The following ATP8A2 variants were observed in gnomAD, a reference collection of about 807,000 sequenced individuals.
ATP8A2 encodes ATPase phospholipid transporting 8A2.
ATP8A2 carries 100 observed loss-of-function variants against 165.6 expected under a neutral mutation model. That is an observed-to-expected ratio of 0.60 (90% CI 0.51 to 0.71). The LOEUF (loss-of-function observed/expected upper bound fraction) is 0.71. Ranked by LOEUF, ATP8A2 falls within the 30% of genes least tolerant of loss-of-function variation. The probability of loss-of-function intolerance (pLI) is 0.00; values close to 1 mark genes in which losing one functional copy is unlikely to be tolerated. For synonymous variants in ATP8A2, 543 were observed against 548.8 expected, an observed-to-expected ratio of 0.99 and a Z score of 0.15; for missense variants, 1,227 against 1,479.5, an observed-to-expected ratio of 0.83 and a Z score of 2.80.
chr13:25,837,520 C>T (rs1304883019), intron 29 of ATP8A2, among the ~76,000 whole-genome samples: 5 of 151,136 alleles, frequency 3.3e-5, no homozygotes, highest in African/African-American at 7.3e-5. Context: ...CGGGTCCATG[C>T]TGTGTGGGCT....
intron 35 of ATP8A2, among the ~76,000 whole-genome samples, chr13:25,987,685 T>A (rs756038040): frequency 9.9e-5 from 15 of 152,224 alleles, no homozygotes; most frequent in Non-Finnish European, 2.1e-4. Flanking sequence ...TCATGTTTCT[T>A]AACCCACAGC....
chr13:25,426,845 C>T (rs2034462997), intron 1 of ATP8A2, among the ~76,000 whole-genome samples: 1 of 152,062 alleles, frequency 6.6e-6, no homozygotes, highest in Non-Finnish European at 1.5e-5. Flanking sequence ...ACTCGGGAGG[C>T]TGAGAGAGGA....
At chr13:25,898,985 G>T (rs1034138251) in intron 33 of ATP8A2, among the ~76,000 whole-genome samples, 1 of 152,212 alleles carries the variant, frequency 6.6e-6, no homozygotes, top group African/African-American at 2.4e-5. Context: ...TCCCGGGTGA[G>T]GTTATGCCTT....
At chr13:25,399,688 C>G (rs1420572141) in intron 1 of ATP8A2, among the ~76,000 whole-genome samples, 1 of 151,466 alleles carries the variant, frequency 6.6e-6, no homozygotes, top group East Asian at 2.0e-4. Flanking sequence ...AGGCGTGAGC[C>G]ACCGCGCCCG....
intron 24 of ATP8A2, among the ~76,000 whole-genome samples, chr13:25,609,563 A>AAATATATATATATATATTTGGG (rs2040612195): frequency 2.9e-5 from 4 of 139,290 alleles, no homozygotes; most frequent in Admixed American, 7.1e-5. Context: ...ATATATTTGG[A>AAATATATATATATATATTTGGG]TTCAAATATA....
Position 25,755,747 on chromosome 13 carries a change from A to G in ATP8A2, c.2385-13299A>G, listed in dbSNP as rs370974235. ...TGGTGAAACCCCCTCTCTACTAAAAATACAAAAAAATTAGCTGGGCATGGT... is the reference window on the plus strand; with the variant it reads ...TGGTGAAACCCCCTCTCTACTAAAAGTACAAAAAAATTAGCTGGGCATGGT... On this transcript the variant is annotated intron_variant, in intron 25 of 36. Transcript: ENST00000381655. 1.5e-4 allele frequency among the ~76,000 whole-genome samples: 23 copies of G among 152,232 alleles called. 1 individual carries two copies. In the South Asian group the frequency reaches 3.5e-3, roughly 23 times the overall value.
intron 25 of ATP8A2, among the ~76,000 whole-genome samples, chr13:25,745,579 T>C (rs1216006060): frequency 1.3e-5 from 2 of 152,192 alleles, no homozygotes; most frequent in East Asian, 3.8e-4. Flanking sequence ...CTGGACTATG[T>C]ATCCACTCTA....
intron 27 of ATP8A2, among the ~76,000 whole-genome samples, chr13:25,814,832 G>A (rs759558042): frequency 6.6e-6 from 1 of 152,022 alleles, no homozygotes; most frequent in East Asian, 1.9e-4. Context: ...TCTGGGCAAC[G>A]TGGTGAAATC....
intron 21 of ATP8A2, among the ~76,000 whole-genome samples, chr13:25,579,445 T>C (rs2039707327): frequency 6.6e-6 from 1 of 152,156 alleles, no homozygotes; most frequent in African/African-American, 2.4e-5. Flanking sequence ...CCTGGATCTT[T>C]CATGGGATAG....
intron 25 of ATP8A2, among the ~76,000 whole-genome samples, chr13:25,756,642 T>G (rs1240156651): frequency 6.6e-6 from 1 of 152,182 alleles, no homozygotes; most frequent in African/African-American, 2.4e-5. Context: ...TGTCAATCTT[T>G]CTGAGCTGGG....
chr13:25,554,921 G>A, intron 12 of ATP8A2, 70 bp from the exon 13 acceptor site: 1 of 1,008,500 alleles, frequency 9.9e-7, no homozygotes, highest in African/African-American at 1.6e-5. Context: ...CTTCTTTTCT[G>A]TGTTAATCTG....
intron 1 of ATP8A2, among the ~76,000 whole-genome samples, chr13:25,407,980 G>A (rs1345163199): frequency 1.3e-5 from 2 of 152,130 alleles, no homozygotes; most frequent in South Asian, 2.1e-4. Flanking sequence ...TTAAAACCTC[G>A]ATGACGGGTT....
chr13:26,019,404 TAAAC>T (rs1281892933), intron 36 of ATP8A2, among the ~76,000 whole-genome samples: 1 of 152,156 alleles, frequency 6.6e-6, no homozygotes, highest in Non-Finnish European at 1.5e-5. Context: ...CTCAAATAAA[TAAAC>T]AGGAAGGCTC....
chr13:25,891,174 C>G (rs1953348215), intron 33 of ATP8A2, among the ~76,000 whole-genome samples: 1 of 152,186 alleles, frequency 6.6e-6, no homozygotes, highest in Admixed American at 6.5e-5. Context: ...TGCTCTCACT[C>G]AGTTTTGGAG....
At chr13:25,854,730 C>T (rs184344150) in intron 30 of ATP8A2, among the ~76,000 whole-genome samples, 7 of 152,326 alleles carry the variant, frequency 4.6e-5, no homozygotes, top group Non-Finnish European at 8.8e-5. Flanking sequence ...TGTATCTGTA[C>T]TGCCCAATAC....
rs758562084 is a variant in ATP8A2 at position 25,630,590 on chromosome 13, T to C, written c.2211+40891T>C. Among the ~76,000 whole-genome samples, 19 of 152,224 alleles carry C rather than the reference T, an allele frequency of 1.2e-4. 1 individual carries two copies. The highest frequency in any genetic ancestry group is 6.3e-3 in the Middle Eastern group (2 of 316). On this transcript the variant is annotated intron_variant, in intron 24 of 36. Coordinates refer to ENST00000381655, the MANE Select transcript of ATP8A2 (RefSeq NM_016529.6). Reference sequence around the variant, plus strand: ...TGGTTTGCTAAACACAACTAGCTGATGCTCATGTACTCCTATGAATAGAAA... The same window carrying C: ...TGGTTTGCTAAACACAACTAGCTGACGCTCATGTACTCCTATGAATAGAAA...
chr13:25,414,766 T>A (rs192799332), intron 1 of ATP8A2, among the ~76,000 whole-genome samples: 131 of 152,344 alleles, frequency 8.6e-4, no homozygotes, highest in African/African-American at 2.7e-3. Flanking sequence ...CTGAATTTCA[T>A]TGCCCAAGTT....
intron 24 of ATP8A2, among the ~76,000 whole-genome samples, chr13:25,665,327 A>G (rs1320810077): frequency 6.6e-6 from 1 of 152,164 alleles, no homozygotes. Flanking sequence ...GCATGGTGGC[A>G]CACACCTGTA....
At chr13:25,629,621 G>A (rs929698048) in intron 24 of ATP8A2, among the ~76,000 whole-genome samples, 4 of 152,182 alleles carry the variant, frequency 2.6e-5, no homozygotes, top group Non-Finnish European at 4.4e-5. Flanking sequence ...TGTAGCTTTC[G>A]GGAGGCTATT....
Sources: allele counts gnomAD v4.1 joint callset (sites outside exome capture counted in the v4.1 genomes callset), GRCh38; gene constraint gnomAD v4.1.1; transcripts MANE v1.5; gene names NCBI Gene and HGNC (gene_info 2026-07-23, HGNC 2026-07-21).